PTPRJ: variants seen among roughly 807,000 people sequenced by gnomAD.
PTPRJ encodes the protein receptor-type tyrosine-protein phosphatase eta.
Under a neutral mutation model 141.3 loss-of-function variants are expected in PTPRJ, and 129 were observed. The ratio of observed to expected loss-of-function variants is 0.91; its 90% CI spans 0.79 to 1.06. The LOEUF (loss-of-function observed/expected upper bound fraction) is 1.06, where lower values mean the gene tolerates loss of function less well. Among genes scored for constraint, PTPRJ ranks in the 50% least tolerant of loss-of-function variants. The pLI is 0.00. For missense variants in PTPRJ, 1,601 were observed against 1,679.7 expected, an observed-to-expected ratio of 0.95 and a Z score of 0.82; for synonymous variants, 610 against 640.5, an observed-to-expected ratio of 0.95 and a Z score of 0.72.
At chr11:48,112,049 A>G (rs780361107) in intron 2 of PTPRJ, among the ~76,000 whole-genome samples, 3 of 152,166 alleles carry the variant, frequency 2.0e-5, no homozygotes, top group Non-Finnish European at 4.4e-5. Context: ...TCCTGGGATC[A>G]GGAAGCTGCA....
intron 1 of PTPRJ, among the ~76,000 whole-genome samples, chr11:48,035,067 C>G (rs929974803): frequency 6.6e-6 from 1 of 152,186 alleles, no homozygotes; most frequent in Non-Finnish European, 1.5e-5. Flanking sequence ...GCACAGTGGC[C>G]GTCCTCCAAG....
intron 1 of PTPRJ, among the ~76,000 whole-genome samples, chr11:48,089,515 CAAAA>C (rs56252336): frequency 2.7e-4 from 31 of 116,620 alleles, no homozygotes; most frequent in African/African-American, 8.8e-4. Flanking sequence ...GACTCCATCT[CAAAA>C]AAAAAAAAAA....
chr11:48,000,338 G>T (rs1296058738), intron 1 of PTPRJ, among the ~76,000 whole-genome samples: 1 of 150,960 alleles, frequency 6.6e-6, no homozygotes, highest in African/African-American at 2.4e-5. Context: ...AGAGATGGGG[G>T]TCTCACTATG....
At chr11:47,996,267 G>A (rs1245392671) in intron 1 of PTPRJ, among the ~76,000 whole-genome samples, 16 of 150,672 alleles carry the variant, frequency 1.1e-4, no homozygotes, top group Admixed American at 6.0e-4. Context: ...CCCGGGAGGC[G>A]GAGCTTGCAG....
intron 15 of PTPRJ, among the ~76,000 whole-genome samples, chr11:48,147,878 G>T (rs1205585956): frequency 3.3e-5 from 5 of 151,826 alleles, no homozygotes; most frequent in African/African-American, 9.7e-5. Context: ...ATGGAGTCTG[G>T]CTCTGTCCCC....
intron 1 of PTPRJ, among the ~76,000 whole-genome samples, chr11:47,981,999 A>G (rs764710078): frequency 3.3e-5 from 5 of 152,172 alleles, no homozygotes; most frequent in African/African-American, 7.2e-5. Context: ...TACAGACACC[A>G]TCTCTGAGGA....
At chr11:48,109,070 A>G (rs896574419) in intron 1 of PTPRJ, among the ~76,000 whole-genome samples, 1 of 152,090 alleles carries the variant, frequency 6.6e-6, no homozygotes, top group African/African-American at 2.4e-5. Context: ...CAGGCCATGA[A>G]AAGGTCTGGG....
chr11:48,147,657 C>T (rs1857382934), intron 15 of PTPRJ, among the ~76,000 whole-genome samples: 1 of 152,154 alleles, frequency 6.6e-6, no homozygotes, highest in Non-Finnish European at 1.5e-5. Flanking sequence ...CTTCATGGCA[C>T]GCCCTCTTGT....
At chr11:48,060,907 T>C (rs1854904317) in intron 1 of PTPRJ, among the ~76,000 whole-genome samples, 1 of 152,198 alleles carries the variant, frequency 6.6e-6, no homozygotes, top group Non-Finnish European at 1.5e-5. Context: ...CCCAAATTGC[T>C]CTTGTGTGCA....
chr11:47,989,029 G>A (rs1249942349), intron 1 of PTPRJ, among the ~76,000 whole-genome samples: 5 of 150,568 alleles, frequency 3.3e-5, no homozygotes, highest in South Asian at 2.1e-4. Flanking sequence ...GACTACAGGC[G>A]CCCGCCACCA....
chr11:48,034,424 CAT>C (rs897167126), intron 1 of PTPRJ, among the ~76,000 whole-genome samples: 5 of 151,952 alleles, frequency 3.3e-5, no homozygotes, highest in Non-Finnish European at 5.9e-5. Flanking sequence ...GATTAAATAA[CAT>C]AGTGGCTATG....
chr11:48,082,708 C>G (rs1180642087), intron 1 of PTPRJ, among the ~76,000 whole-genome samples: 1 of 151,666 alleles, frequency 6.6e-6, no homozygotes, highest in Non-Finnish European at 1.5e-5. Flanking sequence ...GCCACTGTGC[C>G]TGGCCCAGTT....
intron 1 of PTPRJ, among the ~76,000 whole-genome samples, chr11:48,050,038 A>T (rs1156670146): frequency 6.6e-6 from 1 of 152,214 alleles, no homozygotes; most frequent in African/African-American, 2.4e-5. Flanking sequence ...GCTGACAGAC[A>T]CGTGGAGAAT....
At chr11:48,007,259 C>G (rs559493314) in intron 1 of PTPRJ, among the ~76,000 whole-genome samples, 1 of 140,680 alleles carries the variant, frequency 7.1e-6, no homozygotes, top group East Asian at 2.0e-4. Context: ...TGCCACCACG[C>G]CCGGCTAATT....
At chr11:48,063,945 T>TGTGTG (rs59919062) in intron 1 of PTPRJ, among the ~76,000 whole-genome samples, 1 of 151,206 alleles carries the variant, frequency 6.6e-6, no homozygotes, top group Non-Finnish European at 1.5e-5. Flanking sequence ...TGTGTGTGTG[T>TGTGTG]TTTTAAAAAG....
At chr11:48,085,833 T>C (rs1855690312) in intron 1 of PTPRJ, among the ~76,000 whole-genome samples, 2 of 152,206 alleles carry the variant, frequency 1.3e-5, no homozygotes, top group Non-Finnish European at 2.9e-5. Context: ...TAGTGTTTAT[T>C]CAGTAGCCCT....
At chr11:48,061,183 C>T (rs933459455) in intron 1 of PTPRJ, among the ~76,000 whole-genome samples, 2 of 152,150 alleles carry the variant, frequency 1.3e-5, no homozygotes, top group African/African-American at 4.8e-5. Context: ...ACTATGTTGG[C>T]CAGTCTGATC....
chr11:48,132,940 C>T (rs1857014728), intron 8 of PTPRJ, among the ~76,000 whole-genome samples: 1 of 152,174 alleles, frequency 6.6e-6, no homozygotes, highest in Non-Finnish European at 1.5e-5. Context: ...TTAACGTCAA[C>T]ATGTTTCTTC....
In PTPRJ at chr11:48,167,622, G is replaced by A; in HGVS notation, c.*260G>A. On this transcript the variant is annotated 3_prime_UTR_variant, in exon 25 of 25. Coordinates refer to ENST00000418331, the MANE Select transcript of PTPRJ (RefSeq NM_002843.4). ...GTCACTTTTTTTTTTTTTCCCCCTT[G>A]AGGATTGTGGAAAACCAGGAAAAGG... The A allele has an allele frequency of 3.0e-6, 1 of 329,990 alleles. No individual in the cohort carries two copies. The highest frequency in any genetic ancestry group is 8.1e-4 in the Middle Eastern group (1 of 1,230). The allele number at this position is 329,990 out of a possible 1,614,324, so 20.4% of individuals were successfully genotyped here.
Sources: allele counts gnomAD v4.1 joint callset (sites outside exome capture counted in the v4.1 genomes callset), GRCh38; gene constraint gnomAD v4.1.1; transcripts MANE v1.5; gene names NCBI Gene and HGNC (gene_info 2026-07-23, HGNC 2026-07-21).